COPG2: variants seen among roughly 807,000 people sequenced by gnomAD.
COPG2 encodes coat protein complex I subunit gamma 2, also known as coatomer subunit gamma-2.
Under a neutral mutation model 46.3 loss-of-function variants are expected in COPG2, and 37 were observed. The ratio of observed to expected loss-of-function variants is 0.80; its 90% CI spans 0.61 to 1.05. The LOEUF is 1.05. COPG2 is among the 50% of genes least tolerant of loss of function. COPG2 has a pLI of 0.00. For synonymous variants in COPG2, 159 were observed against 129.7 expected (o/e 1.23, Z -1.53); for missense variants, 427 against 387.8 (o/e 1.10, Z -0.85).
intron 6 of COPG2, among the ~76,000 whole-genome samples, chr7:130,615,349 T>C (rs1554452711): frequency 6.6e-6 from 1 of 152,154 alleles, no homozygotes; most frequent in Non-Finnish European, 1.5e-5. Flanking sequence ...ATCTTGAGCA[T>C]GGCTATTGTC....
At chr7:130,561,398 G>A (rs1410488316) in intron 11 of COPG2, among the ~76,000 whole-genome samples, 177 bp from the exon 12 acceptor site, 6 of 152,134 alleles carry the variant, frequency 3.9e-5, no homozygotes, top group South Asian at 4.1e-4. Context: ...AATGATCAAC[G>A]GCCAGAGTAT....
intron 9 of COPG2, 32 bp from the exon 10 acceptor site, chr7:130,564,425 G>A (rs1793769611): frequency 2.5e-6 from 1 of 398,334 alleles, no homozygotes; most frequent in Non-Finnish European, 4.4e-6. Flanking sequence ...CCATTATTTA[G>A]ATATCAAATA....
chr7:130,540,655 C>A (rs1799926671), intron 20 of COPG2, among the ~76,000 whole-genome samples: 1 of 151,852 alleles, frequency 6.6e-6, no homozygotes, highest in African/African-American at 2.4e-5. Flanking sequence ...GGTGGGCAGA[C>A]AAAAGATGAG....
intron 20 of COPG2, among the ~76,000 whole-genome samples, chr7:130,514,761 G>A (rs1799665233): frequency 6.6e-6 from 1 of 152,152 alleles, no homozygotes; most frequent in African/African-American, 2.4e-5. Context: ...GACATGAAGA[G>A]GGGTTAAAGC....
chr7:130,607,442 T>G (rs1554451431), intron 9 of COPG2: 1 of 441,684 alleles, frequency 2.3e-6, no homozygotes, highest in Non-Finnish European at 4.5e-6. Flanking sequence ...TACCATCTAT[T>G]AAACATTGTA....
At chr7:130,591,136 G>C (rs1304512487) in intron 9 of COPG2, among the ~76,000 whole-genome samples, 3 of 127,270 alleles carry the variant, frequency 2.4e-5, no homozygotes, top group Non-Finnish European at 5.1e-5. Context: ...GTCCGGAAGG[G>C]AGGTGGGGGG....
At chr7:130,630,938 G>A (rs1795216731) in intron 5 of COPG2, among the ~76,000 whole-genome samples, 1 of 152,088 alleles carries the variant, frequency 6.6e-6, no homozygotes, top group Admixed American at 6.5e-5. Context: ...AACTACTTGG[G>A]AGGACCGCTT....
intron 4 of COPG2, among the ~76,000 whole-genome samples, chr7:130,661,034 C>CTGTAGCTGGAGAAAAACATTCACCA (rs1426314760): frequency 6.6e-6 from 1 of 152,210 alleles, no homozygotes; most frequent in Non-Finnish European, 1.5e-5. Context: ...AACCTGCAGG[C>CTGTAGCTGGAGAAAAACATTCACCA]TGTAGCTGGA....
chr7:130,611,357 T>C (rs556156708), intron 8 of COPG2, among the ~76,000 whole-genome samples: 4 of 152,324 alleles, frequency 2.6e-5, no homozygotes, highest in African/African-American at 9.6e-5. Flanking sequence ...AACCTGAAGA[T>C]GGCTCTAGCA....
intron 5 of COPG2, among the ~76,000 whole-genome samples, chr7:130,638,626 G>T (rs374152359): frequency 9.8e-4 from 150 of 152,300 alleles, no homozygotes; most frequent in African/African-American, 3.3e-3. Flanking sequence ...TGTGCTGGCA[G>T]CAAGAATTTC....
At chr7:130,539,376 G>C (rs1377073878) in intron 20 of COPG2, among the ~76,000 whole-genome samples, 2 of 152,202 alleles carry the variant, frequency 1.3e-5, no homozygotes, top group African/African-American at 4.8e-5. Context: ...AGTGGAAGAG[G>C]GGAAGGAAAA....
intron 20 of COPG2, among the ~76,000 whole-genome samples, chr7:130,519,328 A>C (rs1425901066): frequency 6.6e-6 from 1 of 152,210 alleles, no homozygotes; most frequent in Non-Finnish European, 1.5e-5. Context: ...CAATTGGTGG[A>C]GTCAACAGAA....
intron 5 of COPG2, among the ~76,000 whole-genome samples, chr7:130,646,227 T>C (rs1554458149): frequency 6.6e-6 from 1 of 152,258 alleles, no homozygotes; most frequent in African/African-American, 2.4e-5. Context: ...ATACATTGGC[T>C]ATTGCTGCTG....
intron 9 of COPG2, chr7:130,605,187 G>A (rs1554451052): frequency 1.3e-5 from 7 of 519,766 alleles, no homozygotes; most frequent in Non-Finnish European, 2.3e-5. Flanking sequence ...ACTTTCTCCT[G>A]CTCTATCTTC....
chr7:130,590,165 ACTT>A (rs1242495661), intron 9 of COPG2, among the ~76,000 whole-genome samples: 51 of 151,840 alleles, frequency 3.4e-4, no homozygotes, highest in Non-Finnish European at 6.6e-4. Context: ...AAATTTCTCT[ACTT>A]CTTTAAATGT....
At chr7:130,655,496 A>G (rs1005170778) in intron 4 of COPG2, among the ~76,000 whole-genome samples, 1 of 152,230 alleles carries the variant, frequency 6.6e-6, no homozygotes, top group Middle Eastern at 3.4e-3. Flanking sequence ...ACACACACAG[A>G]TCAGTTTTTA....
intron 20 of COPG2, among the ~76,000 whole-genome samples, chr7:130,517,909 A>G (rs987733396): frequency 0.012 from 1,681 of 138,758 alleles, 31 homozygotes; most frequent in African/African-American, 0.04. Context: ...AAGGAGTCTA[A>G]TGGGTTAAAT....
chr7:130,560,136 C>G (rs1793694917), intron 12 of COPG2, among the ~76,000 whole-genome samples: 1 of 151,944 alleles, frequency 6.6e-6, no homozygotes, highest in Non-Finnish European at 1.5e-5. Flanking sequence ...ATAATGATGA[C>G]TAGAACCAGT....
chr7:130,621,818 C>T (rs919280138), intron 5 of COPG2, among the ~76,000 whole-genome samples: 1 of 151,792 alleles, frequency 6.6e-6, no homozygotes, highest in Non-Finnish European at 1.5e-5. Flanking sequence ...GCAGCCCACA[C>T]CTATAATCCC....
Sources: gnomAD v4.1 joint callset for allele counts (sites outside exome capture counted in the v4.1 genomes callset) on GRCh38, gnomAD v4.1.1 for gene constraint, MANE v1.5 for transcripts, NCBI Gene and HGNC (gene_info 2026-07-23, HGNC 2026-07-21) for gene names.